TJP2: variants seen among roughly 807,000 people sequenced by gnomAD.
TJP2 encodes the protein Friedreich ataxia region gene X104 (tight junction protein ZO-2).
In TJP2, 91 loss-of-function variants were observed where a neutral mutation model predicts 133.1. The ratio of observed to expected loss-of-function variants is 0.68; its 90% CI spans 0.58 to 0.81. The LOEUF (loss-of-function observed/expected upper bound fraction) is 0.81. TJP2 is among the 40% of genes least tolerant of loss of function. TJP2 has a pLI of 0.00. For missense variants in TJP2, 1,541 were observed against 1,565.6 expected, an observed-to-expected ratio of 0.98 and a Z score of 0.26; for synonymous variants, 592 against 583.4, an observed-to-expected ratio of 1.01 and a Z score of -0.21.
At chr9:69,171,904 T>G (rs909957117), upstream of TJP2, among the ~76,000 whole-genome samples, 30 of 150,572 alleles carry the variant, frequency 2.0e-4, no homozygotes, top group African/African-American at 7.1e-4. Context: ...CAAGCGATTC[T>G]CCTGCCTCAG....
intron 3 of TJP2, 125 bp from the exon 4 acceptor site, chr9:69,218,132 A>G (rs1828533953): frequency 2.5e-6 from 2 of 790,296 alleles, no homozygotes; most frequent in Non-Finnish European, 2.1e-6. Flanking sequence ...CTTGGGCGCC[A>G]CTAGACACTG....
intron 1 of TJP2, among the ~76,000 whole-genome samples, chr9:69,178,196 A>G (rs958664661): frequency 6.6e-6 from 1 of 152,194 alleles, no homozygotes; most frequent in African/African-American, 2.4e-5. Context: ...CTTTTATGCT[A>G]TCCCAAAACA....
chr9:69,237,045 G>C lies in TJP2; in HGVS notation c.2088G>C (p.Lys696Asn). 2 of 1,614,194 alleles carry C rather than the reference G, an allele frequency of 1.2e-6. No homozygotes were observed. The highest frequency in any genetic ancestry group is 1.7e-6 in the Non-Finnish European group (2 of 1,180,048). ...WRMRGQRSGV[K>N]KNLRKSREDL... ...TGCGTGGCCAGAGGTCTGGGGTGAA[G>C]AAGAACCTGAGGAAAAGTCGGGAAG... Residue 696 changes from lysine to asparagine, a missense_variant, in exon 14 of 23, where the codon AAG becomes AAC. Physicochemically the swap from Lys to Asn is moderately conservative, Grantham distance 94. Coordinates refer to ENST00000377245, the MANE Select transcript of TJP2 (RefSeq NM_004817.4).
intron 2 of TJP2, among the ~76,000 whole-genome samples, chr9:69,155,000 C>CTGAGG (rs1823670969): frequency 6.6e-6 from 1 of 151,586 alleles, no homozygotes; most frequent in Non-Finnish European, 1.5e-5. Context: ...GGTGGATCAC[C>CTGAGG]TGAGGTCAGG....
chr9:69,137,377 G>C (rs1251340910), intron 1 of TJP2, among the ~76,000 whole-genome samples: 6 of 146,358 alleles, frequency 4.1e-5, no homozygotes, highest in Non-Finnish European at 7.5e-5. Context: ...AGGCTGGATG[G>C]AGTGTGCAGT....
chr9:69,253,141 T>C, intron 22 of TJP2: 1 of 559,266 alleles, frequency 1.8e-6, no homozygotes, highest in East Asian at 3.1e-5. Flanking sequence ...TTCCAGCCAG[T>C]ACATTTGACA....
intron 1 of TJP2, chr9:69,204,860 A>C: frequency 5.3e-6 from 6 of 1,140,070 alleles, no homozygotes; most frequent in Non-Finnish European, 6.5e-6. Context: ...GAATCATTTT[A>C]TGTGCTTAAA....
At chr9:69,198,435 C>A (rs989659305) in intron 1 of TJP2, among the ~76,000 whole-genome samples, 1 of 152,216 alleles carries the variant, frequency 6.6e-6, no homozygotes, top group African/African-American at 2.4e-5. Context: ...AGCCACCATG[C>A]CCGGCCACCT....
At chr9:69,191,761 G>C (rs184443209) in intron 1 of TJP2, among the ~76,000 whole-genome samples, 10 of 151,544 alleles carry the variant, frequency 6.6e-5, no homozygotes, top group Non-Finnish European at 1.5e-5. Flanking sequence ...TTTTGAGACA[G>C]AGTCTCACTC....
intron 1 of TJP2, among the ~76,000 whole-genome samples, chr9:69,207,854 T>C (rs989007551): frequency 2.6e-5 from 4 of 152,246 alleles, no homozygotes; most frequent in Non-Finnish European, 5.9e-5. Context: ...CTAGAGCTGA[T>C]GTTCTGAGGA....
At chr9:69,183,814 G>T (rs1046565842) in intron 1 of TJP2, among the ~76,000 whole-genome samples, 4 of 152,012 alleles carry the variant, frequency 2.6e-5, no homozygotes, top group Admixed American at 2.6e-4. Context: ...AGCTCATTGC[G>T]ACCTGTGCCT....
At chr9:69,223,854 C>A (rs1216635985) in intron 5 of TJP2, among the ~76,000 whole-genome samples, 2 of 152,170 alleles carry the variant, frequency 1.3e-5, no homozygotes, top group African/African-American at 2.4e-5. Flanking sequence ...ACAAGTTTAC[C>A]GTAAATCATT....
intron 1 of TJP2, among the ~76,000 whole-genome samples, chr9:69,195,647 T>C (rs186034231): frequency 8.6e-4 from 131 of 152,352 alleles, no homozygotes; most frequent in Admixed American, 2.8e-3. Flanking sequence ...TCTGGCATAT[T>C]GTTAATGTCC....
chr9:69,166,548 G>A (rs896298063), intron 2 of TJP2, among the ~76,000 whole-genome samples: 3 of 151,992 alleles, frequency 2.0e-5, no homozygotes, highest in African/African-American at 7.2e-5. Context: ...TTTGAGGCCA[G>A]CCTGTGCAAC....
At chr9:69,209,891 A>T (rs964922916) in intron 1 of TJP2, among the ~76,000 whole-genome samples, 4 of 152,208 alleles carry the variant, frequency 2.6e-5, no homozygotes, top group Admixed American at 1.3e-4. Flanking sequence ...TATAGAGCAC[A>T]TCTAGAAAGT....
chr9:69,220,697 G>A (rs1828751968), intron 4 of TJP2, among the ~76,000 whole-genome samples, 190 bp from the exon 5 acceptor site: 1 of 152,232 alleles, frequency 6.6e-6, no homozygotes, highest in Non-Finnish European at 1.5e-5. Context: ...TGTACTCAGA[G>A]CTTCACGGTC....
chr9:69,199,550 G>A (rs200816726), intron 1 of TJP2, among the ~76,000 whole-genome samples: 1 of 148,354 alleles, frequency 6.7e-6, no homozygotes, highest in Non-Finnish European at 1.5e-5. Context: ...ACACACACAC[G>A]CATGCACGTA....
chr9:69,202,949 C>G (rs4745693), intron 1 of TJP2, among the ~76,000 whole-genome samples: 141,113 of 152,312 alleles, frequency 0.93, 65,368 homozygotes, highest in Middle Eastern at 0.95. Flanking sequence ...AAAAGAATTA[C>G]TGCTGCTAGA....
At chr9:69,186,071 G>T (rs188532315) in intron 1 of TJP2, among the ~76,000 whole-genome samples, 1 of 152,162 alleles carries the variant, frequency 6.6e-6, no homozygotes, top group East Asian at 1.9e-4. Flanking sequence ...CCCGGCCAAT[G>T]TAGTGGTTTT....
Sources: allele counts gnomAD v4.1 joint callset (sites outside exome capture counted in the v4.1 genomes callset), GRCh38; gene constraint gnomAD v4.1.1; transcripts MANE v1.5; gene names NCBI Gene and HGNC (gene_info 2026-07-23, HGNC 2026-07-21).